Variants in DLG2 observed in about 807,000 individuals in gnomAD.
DLG2 encodes the protein discs large MAGUK scaffold protein 2.
Under a neutral mutation model 132.5 loss-of-function variants are expected in DLG2, and 45 were observed. That is an observed-to-expected ratio of 0.34 (90% CI 0.27 to 0.44). DLG2 has a LOEUF of 0.44. Among genes scored for constraint, DLG2 ranks in the 20% least tolerant of loss-of-function variants. DLG2 has a pLI of 1.00. For missense variants in DLG2, 1,045 were observed against 1,196.9 expected, an observed-to-expected ratio of 0.87 and a Z score of 1.87; for synonymous variants, 424 against 419.6, an observed-to-expected ratio of 1.01 and a Z score of -0.13.
chr11:83,759,617 C>T (rs2093811952), intron 18 of DLG2, among the ~76,000 whole-genome samples: 2 of 152,144 alleles, frequency 1.3e-5, no homozygotes, highest in East Asian at 1.9e-4. Context: ...TCATACCACC[C>T]TACCTGTTTC....
At chr11:84,051,029 A>G (rs2096364910) in intron 11 of DLG2, among the ~76,000 whole-genome samples, 1 of 151,972 alleles carries the variant, frequency 6.6e-6, no homozygotes, top group African/African-American at 2.4e-5. Flanking sequence ...AAAAATGCTC[A>G]TCATCGCTGG....
intron 15 of DLG2, among the ~76,000 whole-genome samples, chr11:83,880,165 C>G (rs998770441): frequency 6.6e-6 from 1 of 152,056 alleles, no homozygotes; most frequent in African/African-American, 2.4e-5. Flanking sequence ...TGGTCTTACA[C>G]CTGTTGGCAA....
intron 15 of DLG2, among the ~76,000 whole-genome samples, chr11:83,929,928 T>C (rs2079828222): frequency 6.6e-6 from 1 of 152,236 alleles, no homozygotes; most frequent in Admixed American, 6.5e-5. Flanking sequence ...TTAGGCCATG[T>C]TATGCCTGGA....
intron 6 of DLG2, among the ~76,000 whole-genome samples, chr11:84,616,265 G>T (rs2099604300): frequency 6.6e-6 from 1 of 151,990 alleles, no homozygotes; most frequent in Non-Finnish European, 1.5e-5. Flanking sequence ...ATAACCTAAT[G>T]GGTTTGAGCA....
chr11:84,348,475 A>G (rs947524956), intron 7 of DLG2, among the ~76,000 whole-genome samples: 1 of 152,224 alleles, frequency 6.6e-6, no homozygotes, highest in Non-Finnish European at 1.5e-5. Context: ...AGTAATATTC[A>G]GGGATCTCTG....
At chr11:83,647,342 T>C (rs146617523) in intron 18 of DLG2, among the ~76,000 whole-genome samples, 3 of 152,158 alleles carry the variant, frequency 2.0e-5, no homozygotes, top group African/African-American at 7.2e-5. Context: ...TGTGCAGCAT[T>C]TTACCCCCAC....
intron 6 of DLG2, among the ~76,000 whole-genome samples, chr11:84,766,622 C>A (rs1249013447): frequency 2.6e-5 from 4 of 152,034 alleles, no homozygotes; most frequent in Non-Finnish European, 5.9e-5. Flanking sequence ...CTGGATCAGA[C>A]CTGTCTCACA....
At chr11:83,629,321 T>TG in intron 19 of DLG2, among the ~76,000 whole-genome samples, 1 of 152,310 alleles carries the variant, frequency 6.6e-6, no homozygotes, top group South Asian at 2.1e-4. Context: ...TCACAGCAAC[T>TG]GTTTCTTAAA....
chr11:84,615,412 T>C (rs1449858148), intron 6 of DLG2, among the ~76,000 whole-genome samples: 1 of 152,098 alleles, frequency 6.6e-6, no homozygotes, highest in Non-Finnish European at 1.5e-5. Flanking sequence ...GTTAAAGGTA[T>C]GGAAATGTTT....
chr11:84,044,321 T>A lies in DLG2; in HGVS notation c.919+14994A>T, dbSNP rs562786159. 3.9e-4 allele frequency among the ~76,000 whole-genome samples: 59 copies of A among 151,930 alleles called. 1 individual carries two copies. The highest frequency in any genetic ancestry group is 6.9e-4 in the Non-Finnish European group (47 of 67,832). ...CTTTCTGGTTTTGATTGCGGCATTC[T>A]TACAGAGTTACTAAATTCTTTCATC... On this transcript the variant is annotated intron_variant, in intron 11 of 27. Transcript: ENST00000376104.
At chr11:83,726,746 TGAAA>T (rs1414792132) in intron 18 of DLG2, among the ~76,000 whole-genome samples, 1 of 138,146 alleles carries the variant, frequency 7.2e-6, no homozygotes, top group Non-Finnish European at 1.6e-5. Flanking sequence ...CAGATCTGCC[TGAAA>T]ACAAACAAAC....
chr11:83,786,847 T>C, intron 17 of DLG2, 55 bp from the exon 18 acceptor site: 1 of 1,549,864 alleles, frequency 6.5e-7, no homozygotes, highest in Middle Eastern at 1.7e-4. Context: ...ATTATCCTGA[T>C]AGAAGAAAAA....
intron 4 of DLG2, among the ~76,000 whole-genome samples, chr11:85,176,016 A>C (rs1369417686): frequency 3.9e-5 from 6 of 152,220 alleles, no homozygotes; most frequent in Admixed American, 3.9e-4. Context: ...AAGAATCAAT[A>C]TCGTGAAAAT....
intron 6 of DLG2, among the ~76,000 whole-genome samples, chr11:84,813,973 A>C (rs965552832): frequency 2.6e-5 from 4 of 152,124 alleles, no homozygotes; most frequent in African/African-American, 9.7e-5. Context: ...AGGAAAAGAA[A>C]ATACATTTTT....
intron 8 of DLG2, among the ~76,000 whole-genome samples, chr11:84,210,333 T>A (rs2096735495): frequency 7.1e-6 from 1 of 140,954 alleles, no homozygotes; most frequent in Admixed American, 7.9e-5. Context: ...CAAAGTGTCC[T>A]GTAAAGATCA....
At chr11:85,122,447 C>A (rs901929813) in intron 5 of DLG2, among the ~76,000 whole-genome samples, 1 of 152,020 alleles carries the variant, frequency 6.6e-6, no homozygotes. Flanking sequence ...TTTGGGGAAA[C>A]CAAATGTTAT....
chr11:85,047,433 T>C (rs899090123), intron 6 of DLG2, among the ~76,000 whole-genome samples: 2 of 152,014 alleles, frequency 1.3e-5, no homozygotes, highest in Non-Finnish European at 2.9e-5. Flanking sequence ...TGTAGAGTCA[T>C]TGTACTAAAC....
intron 3 of DLG2, among the ~76,000 whole-genome samples, chr11:85,288,130 G>A (rs1011301855): frequency 6.6e-6 from 1 of 152,102 alleles, no homozygotes; most frequent in South Asian, 2.1e-4. Flanking sequence ...TTGTTATGCT[G>A]TGTATATTAT....
chr11:83,674,718 T>C (rs1387725937), intron 18 of DLG2, among the ~76,000 whole-genome samples: 1 of 152,204 alleles, frequency 6.6e-6, no homozygotes, highest in African/African-American at 2.4e-5. Flanking sequence ...AACAGAAGTC[T>C]TGGGCTCCTC....
Sources: gnomAD v4.1 joint callset for allele counts (sites outside exome capture counted in the v4.1 genomes callset) on GRCh38, gnomAD v4.1.1 for gene constraint, MANE v1.5 for transcripts, NCBI Gene and HGNC (gene_info 2026-07-23, HGNC 2026-07-21) for gene names.